The following TACC1 variants were observed in gnomAD, a reference collection of about 807,000 sequenced individuals.
TACC1 encodes the protein transforming acidic coiled-coil containing protein 1, also known as transforming acidic coiled-coil-containing protein 1.
A neutral mutation model predicts 84.4 loss-of-function variants in TACC1; 48 were observed. The ratio of observed to expected loss-of-function variants is 0.57; its 90% CI spans 0.45 to 0.72. The LOEUF (loss-of-function observed/expected upper bound fraction) is 0.72, where lower values mean the gene tolerates loss of function less well. Ranked by LOEUF, TACC1 falls within the 30% of genes least tolerant of loss-of-function variation. The pLI is 0.00. For synonymous variants in TACC1, 372 were observed against 376.3 expected (o/e 0.99, Z 0.13); for missense variants, 920 against 973.0 (o/e 0.95, Z 0.72).
chr8:38,748,969 GAA>G (rs993711467), intron 3 of TACC1, among the ~76,000 whole-genome samples: 2 of 149,742 alleles, frequency 1.3e-5, no homozygotes, highest in African/African-American at 4.9e-5. Context: ...ATTAGAGAAC[GAA>G]AAAAAGAGAT....
At chr8:38,787,020 C>A (rs1228304985), upstream of TACC1, among the ~76,000 whole-genome samples, 1 of 151,722 alleles carries the variant, frequency 6.6e-6, no homozygotes, top group Non-Finnish European at 1.5e-5. Context: ...GGGGTATGAC[C>A]GAATCTCCCC....
chr8:38,838,428 A>G (rs1420617147), intron 7 of TACC1, 42 bp from the exon 8 acceptor site: 1 of 1,474,630 alleles, frequency 6.8e-7, no homozygotes, highest in Admixed American at 1.7e-5. Flanking sequence ...TTAAATGCAA[A>G]TTGTAATAGA....
At chr8:38,738,586 C>T (rs758620858) in intron 1 of TACC1, among the ~76,000 whole-genome samples, 12 of 151,884 alleles carry the variant, frequency 7.9e-5, no homozygotes, top group South Asian at 2.1e-4. Context: ...GCCCATTGAG[C>T]GCTCTCTCAT....
At chr8:38,796,823 G>A (rs1369873505) in intron 2 of TACC1, among the ~76,000 whole-genome samples, 5 of 152,216 alleles carry the variant, frequency 3.3e-5, no homozygotes, top group Admixed American at 3.3e-4. Flanking sequence ...GGTAGATAGA[G>A]GAGTTTTTAA....
chr8:38,806,578 G>A (rs1159335221), intron 2 of TACC1, among the ~76,000 whole-genome samples: 1 of 152,082 alleles, frequency 6.6e-6, no homozygotes, highest in Admixed American at 6.6e-5. Flanking sequence ...TGAGGATGGG[G>A]TCCTGTGATG....
At chr8:38,753,328 T>C (rs1809379343) in intron 3 of TACC1, among the ~76,000 whole-genome samples, 1 of 152,142 alleles carries the variant, frequency 6.6e-6, no homozygotes, top group Non-Finnish European at 1.5e-5. Flanking sequence ...GGTCTCAAAC[T>C]TCTGGGCTCA....
intron 4 of TACC1, 94 bp downstream of exon 4, chr8:38,825,462 C>T: frequency 1.5e-6 from 2 of 1,305,166 alleles, no homozygotes; most frequent in Non-Finnish European, 2.2e-6. Flanking sequence ...AAGGACTTTC[C>T]AATGGGTACC....
chr8:38,770,436 A>T (rs1813360034), intron 3 of TACC1, among the ~76,000 whole-genome samples: 1 of 151,570 alleles, frequency 6.6e-6, no homozygotes, highest in Non-Finnish European at 1.5e-5. Context: ...CCCTTCGCAC[A>T]TTCGGAAACC....
chr8:38,787,660 C>A lies in TACC1; in HGVS notation c.78C>A (p.Ala26=). 9 of 1,549,308 alleles carry A rather than the reference C, an allele frequency of 5.8e-6. No homozygotes were observed. Among genetic ancestry groups the A allele is most frequent in the Non-Finnish European group, 7.8e-6 (9 of 1,148,954 alleles). Residue 26 remains alanine, a synonymous_variant, in exon 1 of 13, where the codon GCC becomes GCA. Coordinates refer to ENST00000317827, the MANE Select transcript of TACC1 (RefSeq NM_006283.3). ...KWTWSAVRGG[A]AGEDEAGGPE... is the part of the protein sequence containing the mutation. ...CGTGGTCTGCGGTACGCGGCGGGGC[C>A]GCCGGCGAGGACGAGGCTGGCGGGC...
At chr8:38,838,655 C>A (rs1830673965) in intron 8 of TACC1, 109 bp downstream of exon 8, 2 of 869,806 alleles carry the variant, frequency 2.3e-6, no homozygotes, top group African/African-American at 1.7e-5. Context: ...GTGTTGAGAG[C>A]TTGAGGGCTT....
intron 3 of TACC1, among the ~76,000 whole-genome samples, chr8:38,757,019 G>A (rs1316810747): frequency 1.3e-5 from 2 of 152,168 alleles, no homozygotes; most frequent in East Asian, 3.9e-4. Flanking sequence ...GCTGCCCCGT[G>A]CCACCTAGGA....
At chr8:38,783,538 C>T (rs1056921487), upstream of TACC1, among the ~76,000 whole-genome samples, 7 of 152,006 alleles carry the variant, frequency 4.6e-5, no homozygotes, top group Admixed American at 3.9e-4. Context: ...TCTCCTGCCT[C>T]AGCCTCCCGA....
chr8:38,742,348 C>T lies in TACC1; in HGVS notation c.-674-3C>T, dbSNP rs945473194. On this transcript the variant is annotated splice_polypyrimidine_tract_variant and splice_region_variant and intron_variant, in intron 1 of 14. Coordinates refer to the TACC1 transcript ENST00000518415. Reference sequence around the variant, plus strand: ...ACTCCCACCTGACTTAATTCTCTTCCAGTCCCAAGGGTTCCAAGGCCAGAG... The same window carrying T: ...ACTCCCACCTGACTTAATTCTCTTCTAGTCCCAAGGGTTCCAAGGCCAGAG... 1.4e-5 allele frequency: 19 copies of T among 1,340,256 alleles called. No homozygotes were observed. In the South Asian group the frequency reaches 1.8e-4, roughly 13 times the overall value. The allele number at this position is 1,340,256 out of a possible 1,614,324, so 83.0% of individuals were successfully genotyped here.
chr8:38,833,082 C>G (rs1193741945), intron 6 of TACC1, among the ~76,000 whole-genome samples: 3 of 152,214 alleles, frequency 2.0e-5, no homozygotes, highest in African/African-American at 7.2e-5. Flanking sequence ...TATTAGATGG[C>G]CCAGGCCTAA....
At chr8:38,731,767 C>CAACAACAACAACAAA (rs1172157673) in intron 1 of TACC1, among the ~76,000 whole-genome samples, 220 of 151,476 alleles carry the variant, frequency 1.5e-3, no homozygotes, top group South Asian at 4.6e-3. Context: ...ACAACAACAA[C>CAACAACAACAACAAA]AAAACTAGTC....
rs1832694241 is a variant in TACC1, at chr8:38,848,495, G to C, written c.*472G>C. 1 of 153,008 alleles carries C rather than the reference G, an allele frequency of 6.5e-6. No individual in the cohort carries two copies. Among genetic ancestry groups the C allele is most frequent in the Non-Finnish European group, 1.5e-5 (1 of 68,304 alleles). 9.5% of individuals were successfully genotyped at this position (153,008 alleles called of 1,614,324 possible). ...ATTGTTACTTCCAATTTATAATCAA[G>C]AAGGGGCTCTGGATCCCCTTTTAAA... On this transcript the variant is annotated 3_prime_UTR_variant, in exon 13 of 13. Transcript: ENST00000317827.
intron 2 of TACC1, among the ~76,000 whole-genome samples, chr8:38,792,552 G>A (rs1818925194): frequency 6.6e-6 from 1 of 152,088 alleles, no homozygotes; most frequent in South Asian, 2.1e-4. Flanking sequence ...TGCAAGCTCC[G>A]CCTCCTGGGT....
chr8:38,820,330 A>G lies in TACC1; in HGVS notation c.1086A>G (p.Ala362=). ...AAAAAGATGGCATCAGTAAGTCAGC[A>G]GGTTTAGAACAGCCTACAGACCCAG... ...KIQKDGISKS[A]GLEQPTDPVA... The change falls in exon 3 of 13, where the codon GCA becomes GCG. Residue 362 remains alanine (A), a synonymous_variant. Transcript: ENST00000317827. 1 of 1,614,196 alleles carries G rather than the reference A, an allele frequency of 6.2e-7. No homozygotes were observed. The highest frequency in any genetic ancestry group is 8.5e-7 in the Non-Finnish European group (1 of 1,180,032).
intron 11 of TACC1, 71 bp downstream of exon 11, chr8:38,843,466 C>G (rs1831636259): frequency 9.1e-7 from 1 of 1,097,480 alleles, no homozygotes; most frequent in Non-Finnish European, 1.3e-6. Flanking sequence ...AAAACAAAAT[C>G]ACTGTTTCGC....
Sources: gnomAD v4.1 joint callset for allele counts (sites outside exome capture counted in the v4.1 genomes callset) on GRCh38, gnomAD v4.1.1 for gene constraint, MANE v1.5 for transcripts, NCBI Gene and HGNC (gene_info 2026-07-23, HGNC 2026-07-21) for gene names.